Variants in PSMD3 observed in about 807,000 individuals in gnomAD.
PSMD3 encodes the protein proteasome 26S subunit, non-ATPase 3, also known as 26S proteasome non-ATPase regulatory subunit 3.
Under a neutral mutation model 62.8 loss-of-function variants are expected in PSMD3, and 5 were observed. The ratio of observed to expected loss-of-function variants is 0.08; its 90% CI spans 0.04 to 0.17. The LOEUF (loss-of-function observed/expected upper bound fraction) is 0.17, where lower values mean the gene tolerates loss of function less well. Among genes scored for constraint, PSMD3 ranks in the 10% least tolerant of loss-of-function variants. The probability of loss-of-function intolerance (pLI) is 1.00; values close to 1 mark genes in which losing one functional copy is unlikely to be tolerated. For synonymous variants in PSMD3, 265 were observed against 283.9 expected (o/e 0.93, Z 0.67); for missense variants, 524 against 713.6 (o/e 0.73, Z 3.03).
At chr17:39,984,532 C>A in intron 2 of PSMD3, 48 bp downstream of exon 2, 1 of 1,495,634 alleles carries the variant, frequency 6.7e-7, no homozygotes, top group South Asian at 1.2e-5. Context: ...GCCTCAGATC[C>A]CCAGGAACAG....
rs1007239050 is a variant in PSMD3 at position 39,981,316 on chromosome 17, C to A, written c.220+126C>A. On this transcript the variant is annotated intron_variant, in intron 1 of 11. Transcript: ENST00000264639. The stretch of plus-strand genomic sequence containing the variant: ...AGTTCTTTGGGATCACCCCCAGATA[C>A]CTGCTCCCACTGCCCCGACACTCCC... 7.5e-5 allele frequency: 107 copies of A among 1,435,416 alleles called. No individual in the cohort carries two copies. In the East Asian group the frequency reaches 2.7e-3, roughly 36 times the overall value. The allele number at this position is 1,435,416 out of a possible 1,614,324, so 88.9% of individuals were successfully genotyped here.
chr17:39,995,534 C>T lies in PSMD3; in HGVS notation c.1320+7C>T. The T allele has an allele frequency of 6.2e-7, 1 of 1,608,006 alleles. No individual in the cohort carries two copies. The highest frequency in any genetic ancestry group is 8.5e-7 in the Non-Finnish European group (1 of 1,174,536). On this transcript the variant is annotated splice_region_variant and intron_variant, in intron 9 of 11. Transcript: ENST00000264639. This position sits in a 1 kb window ranked among gnomAD's most constrained non-coding sequence, Gnocchi z 4.1. Reference sequence around the variant, plus strand: ...AGAGTTCATTGTTGCCAAGGTGGGGCTGGTTCAGGAACCACAGTGACCAGG... The same window carrying T: ...AGAGTTCATTGTTGCCAAGGTGGGGTTGGTTCAGGAACCACAGTGACCAGG...
At chr17:39,990,988 T>C (rs1418752331) in intron 6 of PSMD3, among the ~76,000 whole-genome samples, 1 of 152,202 alleles carries the variant, frequency 6.6e-6, no homozygotes, top group Non-Finnish European at 1.5e-5. Flanking sequence ...CTTTCGTTTT[T>C]TGTTTTCTGA....
At position 39,996,744 on chromosome 17, in the gene PSMD3, G is replaced by A. The variant is rs550499402; in HGVS notation, c.1476+406G>A. 2.1e-5 allele frequency: 10 copies of A among 470,494 alleles called. No homozygotes were observed. Among genetic ancestry groups the A allele is most frequent in the East Asian group, 1.3e-4 (2 of 15,008 alleles). 29.1% of individuals were successfully genotyped at this position (470,494 alleles called of 1,614,324 possible). On this transcript the variant is annotated intron_variant, in intron 10 of 11. Transcript: ENST00000264639. This position sits in a 1 kb window ranked among gnomAD's most constrained non-coding sequence, Gnocchi z 5.1. ...AAGTCCCTGTATTGAGGCACTTAGCGAAGTCTAAATTGTAAAAAAGATGGC... is the reference window on the plus strand; with the variant it reads ...AAGTCCCTGTATTGAGGCACTTAGCAAAGTCTAAATTGTAAAAAAGATGGC...
At chr17:39,994,907 G>A (rs374175936) in intron 6 of PSMD3, 47 bp from the exon 7 acceptor site, 7 of 1,540,428 alleles carry the variant, frequency 4.5e-6, no homozygotes, top group African/African-American at 2.7e-5. Context: ...TTCTTCTTCC[G>A]CCCATGGGGC....
In PSMD3 at chr17:39,996,850, A is replaced by G. The variant is rs1251110522; in HGVS notation, c.1477-480A>G. 3 of 449,930 alleles carry G rather than the reference A, an allele frequency of 6.7e-6. No individual in the cohort carries two copies. Among genetic ancestry groups the G allele is most frequent in the South Asian group, 1.6e-5 (1 of 63,310 alleles). 27.9% of individuals were successfully genotyped at this position (449,930 alleles called of 1,614,324 possible). On this transcript the variant is annotated intron_variant, in intron 10 of 11. Coordinates refer to ENST00000264639, the MANE Select transcript of PSMD3 (RefSeq NM_002809.4). The surrounding 1 kb of genome is among the most constrained non-coding windows in gnomAD (Gnocchi z 5.1). Reference sequence around the variant, plus strand: ...TTGGCGCTGTTACTATTTGCTTGCCATGTTTTTTTCTGGTCTCCTCCGAGG... The same window carrying G: ...TTGGCGCTGTTACTATTTGCTTGCCGTGTTTTTTTCTGGTCTCCTCCGAGG...
intron 1 of PSMD3, among the ~76,000 whole-genome samples, chr17:39,983,613 A>T (rs1173273864): frequency 6.6e-6 from 1 of 152,186 alleles, no homozygotes; most frequent in Non-Finnish European, 1.5e-5. Flanking sequence ...GGGTTTTTTT[A>T]AATGAAGTCA....
intron 6 of PSMD3, among the ~76,000 whole-genome samples, chr17:39,991,899 C>T (rs1290358999): frequency 6.6e-6 from 1 of 152,050 alleles, no homozygotes; most frequent in East Asian, 1.9e-4. Context: ...ATGGCATGCA[C>T]CTGTAGTCCC....
chr17:39,997,776 A>AGGGTG lies in PSMD3; in HGVS notation c.*197_*198insGTGGG. On this transcript the variant is annotated 3_prime_UTR_variant, in exon 12 of 12. Transcript: ENST00000264639. ...CCCAGCCGGTGACTTACTGTACAGC[A>AGGGTG]GGCAGGAGGGTGGGCAGGCAACCTC... is the stretch of plus-strand genomic sequence containing the variant. 1 of 655,588 alleles carries AGGGTG rather than the reference A, an allele frequency of 1.5e-6. No homozygotes were observed. The highest frequency in any genetic ancestry group is 2.6e-6 in the Non-Finnish European group (1 of 385,136). 40.6% of individuals were successfully genotyped at this position (655,588 alleles called of 1,614,324 possible).
chr17:39,996,195 G>A lies in PSMD3; in HGVS notation c.1333G>A (p.Gly445Ser). The change falls in exon 10 of 12, where the codon GGT becomes AGT. Residue 445 changes from glycine (G) to serine (S), a missense_variant. Gly to Ser is a moderately conservative substitution (Grantham distance 56). Around this residue, in one of 4 missense-constraint regions of PSMD3, gnomAD observed 76 missense variants for 97.3 expected, o/e 0.78. Transcript: ENST00000264639. The surrounding 1 kb of genome is among the most constrained non-coding windows in gnomAD (Gnocchi z 5.1). ...EFIVAKAIRDGVIEASINHEK... is the reference protein window; with the variant it reads ...EFIVAKAIRDSVIEASINHEK... ...TGGGGGCCTGCAGGCCATCCGGGAT[G>A]GTGTCATTGAGGCCAGCATCAACCA... 1 of 1,613,894 alleles carries A rather than the reference G, an allele frequency of 6.2e-7. No homozygotes were observed. The highest frequency in any genetic ancestry group is 8.5e-7 in the Non-Finnish European group (1 of 1,179,992).
At chr17:39,997,193 C>G (rs778297205) in intron 10 of PSMD3, 137 bp from the exon 11 acceptor site, 13 of 760,750 alleles carry the variant, frequency 1.7e-5, no homozygotes, top group Non-Finnish European at 2.8e-5. Flanking sequence ...CCTAGCCCCC[C>G]ACTAGACTAA....
chr17:39,987,643 T>C (rs1218800996), intron 3 of PSMD3, among the ~76,000 whole-genome samples: 1 of 152,216 alleles, frequency 6.6e-6, no homozygotes, highest in Non-Finnish European at 1.5e-5. Context: ...CCACTGCGCC[T>C]GGCCCACTGT....
At position 39,996,350 on chromosome 17, in the gene PSMD3, G is replaced by A. The variant is rs111996560; in HGVS notation, c.1476+12G>A. The A allele has an allele frequency of 8.1e-6, 13 of 1,612,268 alleles. No homozygotes were observed. Among genetic ancestry groups the A allele is most frequent in the East Asian group, 4.5e-5 (2 of 44,846 alleles). ...ACATGTCTGTCAAGGTGAGAAGCCCGTGGCTGCAGAGTCACGCCTGGCAGC... is the reference window on the plus strand; with the variant it reads ...ACATGTCTGTCAAGGTGAGAAGCCCATGGCTGCAGAGTCACGCCTGGCAGC... On this transcript the variant is annotated intron_variant, in intron 10 of 11. Transcript: ENST00000264639. The surrounding 1 kb of genome is among the most constrained non-coding windows in gnomAD (Gnocchi z 5.1).
intron 2 of PSMD3, among the ~76,000 whole-genome samples, chr17:39,986,076 A>G (rs1285195869): frequency 1.3e-5 from 2 of 152,038 alleles, no homozygotes; most frequent in South Asian, 4.1e-4. Context: ...GTTTATTAAT[A>G]TTATATTGCC....
chr17:39,982,940 C>G (rs887908841), intron 1 of PSMD3, among the ~76,000 whole-genome samples: 6 of 152,246 alleles, frequency 3.9e-5, no homozygotes, highest in African/African-American at 1.4e-4. Flanking sequence ...GTTTAAAAGG[C>G]TGAACATTTT....
At position 39,996,530 on chromosome 17, in the gene PSMD3, C is replaced by T. The variant is rs910578538; in HGVS notation, c.1476+192C>T. Among the ~76,000 whole-genome samples, 4 of 152,164 alleles carry T rather than the reference C, an allele frequency of 2.6e-5. No homozygotes were observed. The highest frequency in any genetic ancestry group is 5.9e-5 in the Non-Finnish European group (4 of 68,038). ...GGCCATAGTTCCATAGCCAGTTGCC[C>T]TCTCCTATTGCGTTTAAGGGATGAT... On this transcript the variant is annotated intron_variant, in intron 10 of 11. Transcript: ENST00000264639. This position sits in a 1 kb window ranked among gnomAD's most constrained non-coding sequence, Gnocchi z 5.1.
At chr17:39,983,639 T>C (rs192153546) in intron 1 of PSMD3, among the ~76,000 whole-genome samples, 32 of 152,370 alleles carry the variant, frequency 2.1e-4, no homozygotes, top group Admixed American at 1.8e-3. Context: ...ATTAATCTTT[T>C]GTGCGTATGT....
chr17:39,984,754 T>G (rs1980480716), intron 2 of PSMD3, among the ~76,000 whole-genome samples: 1 of 152,158 alleles, frequency 6.6e-6, no homozygotes, highest in Non-Finnish European at 1.5e-5. Context: ...CAGTTGAGGT[T>G]GCGTTGGGTG....
In PSMD3 at chr17:39,997,617, C is replaced by T. The variant is rs781508614; in HGVS notation, c.*36C>T. ...TGGGGAGGGGTAGGGGGAATGGGGA[C>T]AGGCTCTTTCCCCCTTGGGGGTCCC... is the stretch of plus-strand genomic sequence containing the variant. On this transcript the variant is annotated 3_prime_UTR_variant, in exon 12 of 12. Coordinates refer to ENST00000264639, the MANE Select transcript of PSMD3 (RefSeq NM_002809.4). The T allele has an allele frequency of 2.4e-5, 38 of 1,563,004 alleles. No homozygotes were observed. Among genetic ancestry groups the T allele is most frequent in the Non-Finnish European group, 3.1e-5 (35 of 1,137,132 alleles).
Sources: gnomAD v4.1 joint callset for allele counts (sites outside exome capture counted in the v4.1 genomes callset) on GRCh38, gnomAD v4.1.1 for gene constraint, gnomAD v4.1.1 regional missense constraint, Gnocchi (gnomAD v3.1) non-coding constraint, MANE v1.5 for transcripts, NCBI Gene and HGNC (gene_info 2026-07-23, HGNC 2026-07-21) for gene names.